Variants in JAZF1 observed in about 807,000 individuals in gnomAD.
The protein encoded by JAZF1 is JAZF zinc finger 1, also known as juxtaposed with another zinc finger protein 1.
In JAZF1, 8 loss-of-function variants were observed where a neutral mutation model predicts 26.4. That is an observed-to-expected ratio of 0.30 (90% CI 0.18 to 0.55). The LOEUF (loss-of-function observed/expected upper bound fraction) is 0.55, where lower values mean the gene tolerates loss of function less well. Ranked by LOEUF, JAZF1 falls within the 20% of genes least tolerant of loss-of-function variation. The pLI, the probability that JAZF1 is intolerant of heterozygous loss-of-function variation, is 0.94. For synonymous variants in JAZF1, 126 were observed against 122.3 expected, an observed-to-expected ratio of 1.03 and a Z score of -0.20; for missense variants, 199 against 322.0, an observed-to-expected ratio of 0.62 and a Z score of 2.92.
chr7:27,920,137 A>G (rs1784504395), intron 2 of JAZF1, among the ~76,000 whole-genome samples: 1 of 152,222 alleles, frequency 6.6e-6, no homozygotes, highest in Non-Finnish European at 1.5e-5. Context: ...ATGTTTTAGT[A>G]CAGTGAGTCC....
chr7:28,107,731 G>C (rs914260118), intron 1 of JAZF1, among the ~76,000 whole-genome samples: 11 of 152,164 alleles, frequency 7.2e-5, no homozygotes, highest in Admixed American at 7.2e-4. Context: ...TGGTTCAAAG[G>C]AAAGAATACA....
intron 2 of JAZF1, among the ~76,000 whole-genome samples, chr7:27,953,778 T>C (rs796284225): frequency 7.9e-5 from 12 of 152,316 alleles, no homozygotes; most frequent in African/African-American, 2.9e-4. Context: ...TATATACTTA[T>C]CCTAAGTTAT....
chr7:27,878,130 A>G (rs1293413499), intron 3 of JAZF1, among the ~76,000 whole-genome samples: 1 of 152,148 alleles, frequency 6.6e-6, no homozygotes, highest in Non-Finnish European at 1.5e-5. Context: ...AACTACGAAC[A>G]TGATGCAGTG....
At chr7:28,154,587 G>T (rs539097614) in intron 1 of JAZF1, among the ~76,000 whole-genome samples, 1 of 152,180 alleles carries the variant, frequency 6.6e-6, no homozygotes, top group African/African-American at 2.4e-5. Flanking sequence ...CCATACAGGT[G>T]AAAAAGGAAT....
intron 2 of JAZF1, among the ~76,000 whole-genome samples, chr7:27,929,936 T>TTCTCTCTC (rs112011020): frequency 0.19 from 26,788 of 144,444 alleles, 2,852 homozygotes; most frequent in Non-Finnish European, 0.25. Flanking sequence ...ATTTTCTGCA[T>TTCTCTCTC]TCTCTCTCTC....
intron 2 of JAZF1, among the ~76,000 whole-genome samples, chr7:27,943,814 T>C (rs537619830): frequency 1.3e-5 from 2 of 152,288 alleles, no homozygotes; most frequent in South Asian, 4.1e-4. Context: ...GTTAATGCAT[T>C]CCACAGAGAT....
chr7:28,006,119 C>T lies in JAZF1; in HGVS notation c.116-14138G>A, dbSNP rs115676847. ...TTAATAAATCTTACCCACTAGGGGC[C>T]AGGCTCAGTGGCTCATGCCTGTAAT... On this transcript the variant is annotated intron_variant, in intron 1 of 4. Transcript: ENST00000283928. Among the ~76,000 whole-genome samples, 3,969 of 152,174 alleles carry T rather than the reference C, an allele frequency of 0.026. 286 individuals carry two copies. The East Asian group carries it at 0.3, about 12-fold the overall frequency.
At chr7:27,961,165 C>A (rs889242358) in intron 2 of JAZF1, among the ~76,000 whole-genome samples, 3 of 152,192 alleles carry the variant, frequency 2.0e-5, no homozygotes, top group Non-Finnish European at 2.9e-5. Flanking sequence ...TTATAACAGT[C>A]GTTAGGGTAG....
intron 3 of JAZF1, among the ~76,000 whole-genome samples, chr7:27,877,796 A>G (rs937551460): frequency 2.6e-5 from 4 of 152,088 alleles, no homozygotes; most frequent in Non-Finnish European, 4.4e-5. Context: ...TTTCACGTCT[A>G]CGTTATTTGT....
intron 1 of JAZF1, among the ~76,000 whole-genome samples, chr7:28,101,315 AC>A (rs1722618894): frequency 2.6e-5 from 4 of 152,188 alleles, no homozygotes; most frequent in Admixed American, 6.5e-5. Context: ...TCCATCACAG[AC>A]ACACAGTTAT....
intron 1 of JAZF1, among the ~76,000 whole-genome samples, chr7:28,045,569 C>G (rs1009073563): frequency 6.6e-6 from 1 of 152,104 alleles, no homozygotes; most frequent in Non-Finnish European, 1.5e-5. Flanking sequence ...AAGAACTTCA[C>G]AGCAGAATTT....
chr7:27,997,768 CT>C (rs1470858804), intron 1 of JAZF1, among the ~76,000 whole-genome samples: 2 of 151,106 alleles, frequency 1.3e-5, no homozygotes, highest in Non-Finnish European at 2.9e-5. Context: ...GAGTTGGGGT[CT>C]TGCTATGTTG....
At chr7:27,878,334 T>C (rs551340078) in intron 3 of JAZF1, among the ~76,000 whole-genome samples, 43 of 152,034 alleles carry the variant, frequency 2.8e-4, no homozygotes, top group African/African-American at 8.7e-4. Flanking sequence ...CCATGATCCA[T>C]TGAAAAATAT....
intron 1 of JAZF1, among the ~76,000 whole-genome samples, chr7:27,993,323 T>C (rs6956423): frequency 0.43 from 64,722 of 152,014 alleles, 15,477 homozygotes; most frequent in Middle Eastern, 0.61. Flanking sequence ...AACAGATCAG[T>C]AGCTCTGCGC....
At chr7:27,924,164 T>G (rs1276769877) in intron 2 of JAZF1, among the ~76,000 whole-genome samples, 4 of 152,166 alleles carry the variant, frequency 2.6e-5, no homozygotes, top group African/African-American at 4.8e-5. Flanking sequence ...CTACAAACTC[T>G]GTCTCCCTTG....
chr7:28,026,259 T>C (rs1328163762), intron 1 of JAZF1, among the ~76,000 whole-genome samples: 3 of 152,148 alleles, frequency 2.0e-5, no homozygotes, highest in Non-Finnish European at 4.4e-5. Flanking sequence ...AAAGTATTCT[T>C]CTCTAAAGCC....
chr7:28,088,130 G>A (rs933486792), intron 1 of JAZF1, among the ~76,000 whole-genome samples: 18 of 152,148 alleles, frequency 1.2e-4, no homozygotes, highest in African/African-American at 3.1e-4. Context: ...ATCCCTTCAC[G>A]GAGCTTAACA....
chr7:28,125,840 T>C (rs1381842503), intron 1 of JAZF1, among the ~76,000 whole-genome samples: 1 of 152,218 alleles, frequency 6.6e-6, no homozygotes. Flanking sequence ...AACACTGGTT[T>C]CTCATCAGTG....
chr7:27,866,254 A>G (rs1783470685), intron 3 of JAZF1, among the ~76,000 whole-genome samples: 1 of 152,250 alleles, frequency 6.6e-6, no homozygotes, highest in African/African-American at 2.4e-5. Context: ...AAGGAGCCAC[A>G]ATGATGATAG....
Sources: allele counts gnomAD v4.1 joint callset (sites outside exome capture counted in the v4.1 genomes callset), GRCh38; gene constraint gnomAD v4.1.1; transcripts MANE v1.5; gene names NCBI Gene and HGNC (gene_info 2026-07-23, HGNC 2026-07-21).